Variants in ADAMTS17 observed in about 807,000 individuals in gnomAD.
The protein encoded by ADAMTS17 is A disintegrin and metalloproteinase with thrombospondin motifs 17.
ADAMTS17 carries 113 observed loss-of-function variants against 141.5 expected under a neutral mutation model. That is an observed-to-expected ratio of 0.80 (90% CI 0.69 to 0.93). The LOEUF (loss-of-function observed/expected upper bound fraction) is 0.93. ADAMTS17 is among the 40% of genes least tolerant of loss of function. The pLI is 0.00. For missense variants in ADAMTS17, 1,659 were observed against 1,517.9 expected (o/e 1.09, Z -1.54); for synonymous variants, 768 against 630.6 (o/e 1.22, Z -3.27).
intron 13 of ADAMTS17, among the ~76,000 whole-genome samples, chr15:100,112,740 T>A (rs995578172): frequency 6.6e-6 from 1 of 152,194 alleles, no homozygotes; most frequent in African/African-American, 2.4e-5. Context: ...GAATTCTGAC[T>A]GAAGCTGCAA....
intron 8 of ADAMTS17, among the ~76,000 whole-genome samples, chr15:100,157,998 C>G (rs1364416296): frequency 1.3e-5 from 2 of 151,874 alleles, no homozygotes; most frequent in African/African-American, 4.8e-5. Flanking sequence ...AAGCTATTCT[C>G]CTGCCTCAGC....
chr15:100,287,530 G>C (rs77782830), intron 3 of ADAMTS17, among the ~76,000 whole-genome samples: 8,652 of 152,198 alleles, frequency 0.057, 300 homozygotes, highest in Middle Eastern at 0.085. Context: ...TCAGGAAATA[G>C]AGAACCCCTG....
At chr15:100,166,067 G>C (rs1384714324) in intron 8 of ADAMTS17, among the ~76,000 whole-genome samples, 1 of 152,170 alleles carries the variant, frequency 6.6e-6, no homozygotes, top group African/African-American at 2.4e-5. Context: ...TTAGGACATA[G>C]GGCACCTCTT....
At chr15:100,109,847 G>A (rs1015345436) in intron 13 of ADAMTS17, among the ~76,000 whole-genome samples, 3 of 152,026 alleles carry the variant, frequency 2.0e-5, no homozygotes, top group African/African-American at 7.2e-5. Flanking sequence ...CTACTGCCCT[G>A]GAAGCTTCCA....
chr15:100,025,197 G>T (rs777249649), intron 18 of ADAMTS17, among the ~76,000 whole-genome samples: 1 of 152,130 alleles, frequency 6.6e-6, no homozygotes, highest in African/African-American at 2.4e-5. Context: ...GACTTTTAAT[G>T]TAAGTTTCCT....
At chr15:100,212,117 C>T (rs954442362) in intron 7 of ADAMTS17, among the ~76,000 whole-genome samples, 4 of 152,180 alleles carry the variant, frequency 2.6e-5, no homozygotes, top group Admixed American at 2.6e-4. Flanking sequence ...TACCACCACC[C>T]CACGAAGGGA....
At chr15:100,137,341 T>TA (rs2038387076) in intron 10 of ADAMTS17, among the ~76,000 whole-genome samples, 2 of 152,226 alleles carry the variant, frequency 1.3e-5, no homozygotes, top group Non-Finnish European at 2.9e-5. Context: ...TCAATGTCTT[T>TA]ATCTTTTCTA....
At chr15:100,138,960 G>A (rs370097458) in intron 10 of ADAMTS17, among the ~76,000 whole-genome samples, 3 of 152,130 alleles carry the variant, frequency 2.0e-5, no homozygotes, top group Non-Finnish European at 4.4e-5. Flanking sequence ...GTGATTTCCC[G>A]GTAATAGGGG....
intron 3 of ADAMTS17, chr15:100,306,341 C>G: frequency 2.6e-6 from 1 of 385,122 alleles, no homozygotes; most frequent in Non-Finnish European, 5.2e-6. Flanking sequence ...AAAGGCAGCA[C>G]AGCTCCTGCT....
intron 20 of ADAMTS17, among the ~76,000 whole-genome samples, chr15:99,981,818 A>C (rs2060487479): frequency 6.6e-6 from 1 of 152,222 alleles, no homozygotes; most frequent in Non-Finnish European, 1.5e-5. Flanking sequence ...TCTGCCAATG[A>C]GTCTGGTGTA....
intron 3 of ADAMTS17, among the ~76,000 whole-genome samples, chr15:100,321,394 G>GA (rs1175129426): frequency 6.6e-6 from 1 of 152,006 alleles, no homozygotes; most frequent in Non-Finnish European, 1.5e-5. Context: ...CTCTGCCAAT[G>GA]AAAAAACATA....
intron 3 of ADAMTS17, among the ~76,000 whole-genome samples, chr15:100,292,045 AG>A (rs2044642022): frequency 6.6e-6 from 1 of 151,906 alleles, no homozygotes; most frequent in African/African-American, 2.4e-5. Context: ...AGAGACGCTC[AG>A]CCCGTGGGGA....
At chr15:100,092,362 C>T (rs555052071) in intron 15 of ADAMTS17, among the ~76,000 whole-genome samples, 9 of 152,306 alleles carry the variant, frequency 5.9e-5, no homozygotes, top group Admixed American at 2.0e-4. Context: ...CACTCAGACG[C>T]GTGAGCCAGG....
rs552587678 is a variant in ADAMTS17, at chr15:100,020,339, G to A, written c.2592-22750C>T. 5.9e-5 allele frequency among the ~76,000 whole-genome samples: 9 copies of A among 152,300 alleles called. No individual in the cohort carries two copies. The South Asian group carries it at 1.2e-3, about 21-fold the overall frequency. On this transcript the variant is annotated intron_variant, in intron 18 of 21. Transcript: ENST00000268070. ...CTCAGCAGTCTGAGTGAGGCAGCTC[G>A]CTTGTCCTGTAAGGGCGACACAGGG...
At chr15:100,190,784 C>A (rs1350341467) in intron 8 of ADAMTS17, among the ~76,000 whole-genome samples, 1 of 152,226 alleles carries the variant, frequency 6.6e-6, no homozygotes, top group African/African-American at 2.4e-5. Context: ...GAAGGAAACC[C>A]TAGCTGTGTA....
At chr15:100,119,810 C>G (rs1303978102) in intron 12 of ADAMTS17, among the ~76,000 whole-genome samples, 1 of 152,256 alleles carries the variant, frequency 6.6e-6, no homozygotes, top group African/African-American at 2.4e-5. Flanking sequence ...ATCTAGCTCA[C>G]AGGCCCCGTA....
intron 6 of ADAMTS17, chr15:100,257,032 C>T (rs2043350670): frequency 6.6e-6 from 1 of 152,340 alleles, no homozygotes; most frequent in African/African-American, 2.4e-5. Flanking sequence ...ACCTGTTTGT[C>T]AGGGAACGTC....
At chr15:100,292,881 A>G (rs2044691814) in intron 3 of ADAMTS17, among the ~76,000 whole-genome samples, 1 of 152,240 alleles carries the variant, frequency 6.6e-6, no homozygotes, top group African/African-American at 2.4e-5. Context: ...GAAGGATACC[A>G]TTCCTTAGGG....
At chr15:100,184,579 T>A (rs1200251238) in intron 8 of ADAMTS17, among the ~76,000 whole-genome samples, 2 of 152,218 alleles carry the variant, frequency 1.3e-5, no homozygotes, top group African/African-American at 4.8e-5. Context: ...GTGGCAAAGC[T>A]ACCTTCAGGA....
Sources: allele counts gnomAD v4.1 joint callset (sites outside exome capture counted in the v4.1 genomes callset), GRCh38; gene constraint gnomAD v4.1.1; transcripts MANE v1.5; gene names NCBI Gene and HGNC (gene_info 2026-07-23, HGNC 2026-07-21).